TLK1: variants seen among roughly 807,000 people sequenced by gnomAD.
TLK1 encodes the protein serine/threonine-protein kinase tousled-like 1.
TLK1 carries 24 observed loss-of-function variants against 105.3 expected under a neutral mutation model. That is an observed-to-expected ratio of 0.23 (90% CI 0.17 to 0.32). TLK1 has a LOEUF of 0.32. Among genes scored for constraint, TLK1 ranks in the 10% least tolerant of loss-of-function variants. The pLI, the probability that TLK1 is intolerant of heterozygous loss-of-function variation, is 1.00. For synonymous variants in TLK1, 321 were observed against 310.4 expected (o/e 1.03, Z -0.36); for missense variants, 558 against 910.5 (o/e 0.61, Z 4.98).
At chr2:171,138,426 C>A (rs1203314424) in intron 1 of TLK1, among the ~76,000 whole-genome samples, 1 of 152,120 alleles carries the variant, frequency 6.6e-6, no homozygotes, top group Non-Finnish European at 1.5e-5. Context: ...ATACTGCAAA[C>A]CTTCAAATTT....
In TLK1 at chr2:170,993,729, G is replaced by T; in HGVS notation, c.*51C>A. Reference sequence around the variant, plus strand: ...AACACTCAAATGCTCTCAAACTTAAGTGTGCATCTGGAAGCAAATTCAAAG... The same window carrying T: ...AACACTCAAATGCTCTCAAACTTAATTGTGCATCTGGAAGCAAATTCAAAG... On this transcript the variant is annotated 3_prime_UTR_variant, in exon 21 of 21. Coordinates refer to ENST00000431350, the MANE Select transcript of TLK1 (RefSeq NM_012290.5). 2 of 1,150,966 alleles carry T rather than the reference G, an allele frequency of 1.7e-6. No individual in the cohort carries two copies. The highest frequency in any genetic ancestry group is 2.4e-6 in the Non-Finnish European group (2 of 850,822). 71.3% of individuals were successfully genotyped at this position (1,150,966 alleles called of 1,614,324 possible).
chr2:171,070,841 C>A (rs572085825), intron 3 of TLK1, among the ~76,000 whole-genome samples: 9 of 152,252 alleles, frequency 5.9e-5, no homozygotes, highest in African/African-American at 2.2e-4. Context: ...TTTTGAGGAA[C>A]CTCCGAACTG....
intron 3 of TLK1, among the ~76,000 whole-genome samples, 193 bp from the exon 4 acceptor site, chr2:171,061,349 G>A (rs768372785): frequency 2.6e-5 from 4 of 152,072 alleles, no homozygotes; most frequent in South Asian, 2.1e-4. Flanking sequence ...AAAATTCCAA[G>A]TAGAGAAGAC....
chr2:171,058,274 A>G, intron 4 of TLK1, 77 bp from the exon 5 acceptor site: 1 of 1,274,764 alleles, frequency 7.8e-7, no homozygotes, highest in Non-Finnish European at 1.1e-6. Flanking sequence ...GCAGGACATC[A>G]GCTATCAATT....
At chr2:170,996,010 T>G (rs1393617548) in intron 20 of TLK1, among the ~76,000 whole-genome samples, 2 of 150,464 alleles carry the variant, frequency 1.3e-5, no homozygotes. Context: ...CCTATTTGGT[T>G]TTTTTGAGAC....
chr2:171,141,135 T>G (rs1269673179), intron 1 of TLK1, among the ~76,000 whole-genome samples: 1 of 152,182 alleles, frequency 6.6e-6, no homozygotes, highest in Non-Finnish European at 1.5e-5. Flanking sequence ...GAATGTTTAA[T>G]ACATGTATAA....
chr2:171,058,380 G>T (rs1687599072), intron 4 of TLK1, among the ~76,000 whole-genome samples, 183 bp from the exon 5 acceptor site: 1 of 151,596 alleles, frequency 6.6e-6, no homozygotes, highest in Non-Finnish European at 1.5e-5. Flanking sequence ...TGATGTAAGT[G>T]ATGTCCTGTT....
chr2:171,171,938 C>T (rs776184383), intron 1 of TLK1, among the ~76,000 whole-genome samples: 12 of 152,222 alleles, frequency 7.9e-5, no homozygotes, highest in East Asian at 1.9e-4. Flanking sequence ...AACAAAAATG[C>T]GTTACATATA....
chr2:171,066,145 T>TTAATA (rs1687983200), intron 3 of TLK1, among the ~76,000 whole-genome samples: 2 of 152,206 alleles, frequency 1.3e-5, no homozygotes, highest in Admixed American at 1.3e-4. Flanking sequence ...TATTGATAAC[T>TTAATA]ATTATCTGTA....
chr2:171,142,394 T>G (rs564927347), intron 1 of TLK1, among the ~76,000 whole-genome samples: 128 of 152,318 alleles, frequency 8.4e-4, no homozygotes, highest in Non-Finnish European at 1.3e-3. Flanking sequence ...ATATGCAACT[T>G]AAAAGATATG....
chr2:171,108,089 A>T (rs1690011375), intron 2 of TLK1, among the ~76,000 whole-genome samples: 1 of 151,630 alleles, frequency 6.6e-6, no homozygotes, highest in Admixed American at 6.6e-5. Flanking sequence ...ACAACAACAA[A>T]AAAACAGGAG....
intron 11 of TLK1, among the ~76,000 whole-genome samples, chr2:171,042,685 G>A (rs1050258396): frequency 3.3e-5 from 5 of 151,624 alleles, no homozygotes; most frequent in Non-Finnish European, 5.9e-5. Flanking sequence ...ATGGCACCTA[G>A]TGTGAGAGGC....
In TLK1 at chr2:171,098,503, G is replaced by A. The variant is rs538020995; in HGVS notation, c.259-15651C>T. ...AGAAAACGAATAAATATCTACCCTC[G>A]AAGAAAAGCCCAGGCCTAGATGGTT... On this transcript the variant is annotated intron_variant, in intron 2 of 20. Transcript: ENST00000431350. Among the ~76,000 whole-genome samples the A allele has an allele frequency of 4.6e-4, 70 of 152,174 alleles. 1 individual carries two copies. In the South Asian group the frequency reaches 4.8e-3, roughly 10 times the overall value.
intron 3 of TLK1, chr2:171,081,770 T>G (rs1575582472): frequency 8.6e-7 from 1 of 1,165,148 alleles, no homozygotes; most frequent in South Asian, 1.3e-5. Flanking sequence ...AGTGTCAGGG[T>G]GCCTGCACAG....
chr2:170,994,971 AG>A (rs750438785), intron 20 of TLK1, among the ~76,000 whole-genome samples: 78 of 152,346 alleles, frequency 5.1e-4, no homozygotes, highest in Non-Finnish European at 8.7e-4. Context: ...TCACATTAAA[AG>A]GTAACTATTT....
chr2:171,145,061 C>T (rs1691735910), intron 1 of TLK1, among the ~76,000 whole-genome samples: 1 of 152,198 alleles, frequency 6.6e-6, no homozygotes, highest in Non-Finnish European at 1.5e-5. Context: ...ATAATCCCAG[C>T]ACTTTAGGAA....
intron 1 of TLK1, among the ~76,000 whole-genome samples, chr2:171,149,099 C>CTTTTTTTTTT (rs11335300): frequency 2.2e-4 from 13 of 57,876 alleles, no homozygotes; most frequent in South Asian, 6.5e-4. Flanking sequence ...AATTACTTTT[C>CTTTTTTTTTT]TTTTTTTTTT....
intron 20 of TLK1, among the ~76,000 whole-genome samples, chr2:170,994,400 T>C (rs1683949333): frequency 6.6e-6 from 1 of 152,146 alleles, no homozygotes; most frequent in Non-Finnish European, 1.5e-5. Context: ...GAAGGGACAC[T>C]TTCATTAGGG....
intron 3 of TLK1, among the ~76,000 whole-genome samples, chr2:171,072,429 T>C (rs1005270423): frequency 6.6e-6 from 1 of 151,984 alleles, no homozygotes; most frequent in Admixed American, 6.6e-5. Flanking sequence ...CTGGCCAACA[T>C]GGTGAAACCC....
Sources: gnomAD v4.1 joint callset for allele counts (sites outside exome capture counted in the v4.1 genomes callset) on GRCh38, gnomAD v4.1.1 for gene constraint, MANE v1.5 for transcripts, NCBI Gene and HGNC (gene_info 2026-07-23, HGNC 2026-07-21) for gene names.